GAD2: variants seen among roughly 807,000 people sequenced by gnomAD.
The protein encoded by GAD2 is 65 kDa glutamic acid decarboxylase.
A neutral mutation model predicts 80.1 loss-of-function variants in GAD2; 22 were observed. The ratio of observed to expected loss-of-function variants is 0.27; its 90% CI spans 0.20 to 0.39. GAD2 has a LOEUF of 0.39. Ranked by LOEUF, GAD2 falls within the 10% of genes least tolerant of loss-of-function variation. GAD2 has a pLI of 1.00. For missense variants in GAD2, 624 were observed against 738.4 expected, an observed-to-expected ratio of 0.85 and a Z score of 1.80; for synonymous variants, 274 against 256.9, an observed-to-expected ratio of 1.07 and a Z score of -0.64.
chr10:26,216,796 A>G lies in GAD2; in HGVS notation c.-14A>G. The G allele has an allele frequency of 6.2e-7, 1 of 1,607,696 alleles. No individual in the cohort carries two copies. On this transcript the variant is annotated 5_prime_UTR_variant, in exon 1 of 16. Coordinates refer to ENST00000376261, the MANE Select transcript of GAD2 (RefSeq NM_001134366.2). This position sits in a 1 kb window ranked among gnomAD's most constrained non-coding sequence, Gnocchi z 4.7. ...CTCGCACTCGCAGGCGACCTGCTCCAGTCTCCAAAGCCGATGGCATCTCCG... is the reference window on the plus strand; with the variant it reads ...CTCGCACTCGCAGGCGACCTGCTCCGGTCTCCAAAGCCGATGGCATCTCCG...
At position 26,239,004 on chromosome 10, in the gene GAD2, G is replaced by A. The variant is rs545707742; in HGVS notation, c.841-6917G>A. ...TGGTGGGGTGGGGGGTGGTCAGGAA[G>A]CATGAGGAAGGGTCAAATGGGCAGA... On this transcript the variant is annotated intron_variant, in intron 7 of 15. Coordinates refer to ENST00000376261, the MANE Select transcript of GAD2 (RefSeq NM_001134366.2). 8.5e-5 allele frequency among the ~76,000 whole-genome samples: 13 copies of A among 152,248 alleles called. 1 individual carries two copies. The East Asian group carries it at 2.5e-3, about 29-fold the overall frequency.
chr10:26,233,459 T>C (rs1027625064), intron 7 of GAD2, among the ~76,000 whole-genome samples: 3 of 152,178 alleles, frequency 2.0e-5, no homozygotes, highest in African/African-American at 4.8e-5. Context: ...CTGCATCTTC[T>C]TGAACCCTTG....
intron 4 of GAD2, among the ~76,000 whole-genome samples, chr10:26,220,613 C>T (rs1358032624): frequency 2.6e-5 from 4 of 152,158 alleles, no homozygotes; most frequent in African/African-American, 9.7e-5. Flanking sequence ...TTTTCCTACC[C>T]CTCCTCAGCT....
intron 14 of GAD2, 124 bp downstream of exon 14, chr10:26,292,696 G>T: frequency 2.3e-6 from 2 of 865,804 alleles, no homozygotes; most frequent in East Asian, 4.9e-5. Context: ...AGTGGATGAC[G>T]GGGTAGCTAT....
rs762062520 is a variant in GAD2 at position 26,219,227 on chromosome 10, G to A, written c.471G>A (p.Glu157=). The A allele has an allele frequency of 1.1e-5, 17 of 1,613,728 alleles. No individual in the cohort carries two copies. Among genetic ancestry groups the A allele is most frequent in the Non-Finnish European group, 1.4e-5 (16 of 1,179,828 alleles). ...TGGCAGACCAACCACAAAATTTGGAGGAAATTTTGATGCATTGCCAAACAA... is the reference window on the plus strand; with the variant it reads ...TGGCAGACCAACCACAAAATTTGGAAGAAATTTTGATGCATTGCCAAACAA... ...WELADQPQNL[E]EILMHCQTTL... Residue 157 remains glutamate (E), a synonymous_variant, in exon 4 of 16, where the codon GAG becomes GAA. Transcript: ENST00000376261.
At chr10:26,248,597 T>C (rs1204694112) in intron 8 of GAD2, among the ~76,000 whole-genome samples, 1 of 152,210 alleles carries the variant, frequency 6.6e-6, no homozygotes, top group Non-Finnish European at 1.5e-5. Flanking sequence ...CGTTTACTTC[T>C]CAGGTCTTGC....
At chr10:26,234,901 C>A (rs888338817) in intron 7 of GAD2, among the ~76,000 whole-genome samples, 2 of 151,964 alleles carry the variant, frequency 1.3e-5, no homozygotes, top group Non-Finnish European at 2.9e-5. Flanking sequence ...GAGATGGAAT[C>A]TCTCTCTGTT....
chr10:26,270,194 T>C (rs1390325601), intron 9 of GAD2, among the ~76,000 whole-genome samples: 5 of 152,174 alleles, frequency 3.3e-5, no homozygotes, highest in Non-Finnish European at 5.9e-5. Context: ...ATTTTCCAAA[T>C]AGGAATAATG....
At chr10:26,256,524 TC>T (rs1277658494) in intron 8 of GAD2, among the ~76,000 whole-genome samples, 2 of 152,218 alleles carry the variant, frequency 1.3e-5, no homozygotes, top group African/African-American at 4.8e-5. Flanking sequence ...GTCTCTTTGG[TC>T]CCCTTTAATC....
chr10:26,281,310 C>G (rs1845268034), intron 12 of GAD2, among the ~76,000 whole-genome samples: 1 of 152,104 alleles, frequency 6.6e-6, no homozygotes, highest in Non-Finnish European at 1.5e-5. Context: ...AAACTTTGAC[C>G]TAATCTCCAT....
Position 26,217,248 on chromosome 10 carries a change from G to A in GAD2, c.77-362G>A, listed in dbSNP as rs1238989185. Among the ~76,000 whole-genome samples, 2 of 152,032 alleles carry A rather than the reference G, an allele frequency of 1.3e-5. No homozygotes were observed. The highest frequency in any genetic ancestry group is 4.8e-5 in the African/African-American group (2 of 41,356). ...GAAGATAGAAAAAAAAAATGGGAAA[G>A]GTGAGAGATTTCTTTATCTAGAAAG... On this transcript the variant is annotated intron_variant, in intron 1 of 15. Coordinates refer to ENST00000376261, the MANE Select transcript of GAD2 (RefSeq NM_001134366.2). This position sits in a 1 kb window ranked among gnomAD's most constrained non-coding sequence, Gnocchi z 4.9.
At chr10:26,296,983 C>T (rs544775940) in intron 15 of GAD2, among the ~76,000 whole-genome samples, 8 of 152,114 alleles carry the variant, frequency 5.3e-5, no homozygotes, top group Non-Finnish European at 7.4e-5. Flanking sequence ...GGTGCCATCT[C>T]GGCTCACTGC....
chr10:26,284,809 T>A (rs565456856), intron 12 of GAD2, among the ~76,000 whole-genome samples: 1 of 152,220 alleles, frequency 6.6e-6, no homozygotes, highest in South Asian at 2.1e-4. Flanking sequence ...GACCTTGTGA[T>A]CCACCCGCCT....
chr10:26,289,025 A>G (rs1834180996), intron 13 of GAD2, among the ~76,000 whole-genome samples: 1 of 152,226 alleles, frequency 6.6e-6, no homozygotes, highest in Admixed American at 6.5e-5. Flanking sequence ...GCAAGTATCT[A>G]GACATCTAGC....
At chr10:26,286,545 T>C (rs370434771) in intron 13 of GAD2, 51 bp downstream of exon 13, 1 of 1,520,506 alleles carries the variant, frequency 6.6e-7, no homozygotes, top group Non-Finnish European at 8.8e-7. Flanking sequence ...AACCTTTATC[T>C]GGTGACCCCA....
intron 12 of GAD2, among the ~76,000 whole-genome samples, chr10:26,285,192 T>C (rs1036406599): frequency 6.6e-6 from 1 of 152,238 alleles, no homozygotes; most frequent in Admixed American, 6.5e-5. Context: ...AGGATTCCAA[T>C]ATATGTGAAG....
chr10:26,246,377 C>T (rs1210713377), intron 8 of GAD2, among the ~76,000 whole-genome samples: 1 of 152,122 alleles, frequency 6.6e-6, no homozygotes, highest in Non-Finnish European at 1.5e-5. Flanking sequence ...GGGGTGATTA[C>T]AGGAGGGGAC....
At chr10:26,260,833 T>G (rs910530480) in intron 8 of GAD2, among the ~76,000 whole-genome samples, 3 of 152,224 alleles carry the variant, frequency 2.0e-5, no homozygotes, top group African/African-American at 7.2e-5. Context: ...ATCTGATGGA[T>G]GGAGCTTTTT....
chr10:26,239,707 A>G (rs530069136), intron 7 of GAD2, among the ~76,000 whole-genome samples: 1 of 152,346 alleles, frequency 6.6e-6, no homozygotes, highest in East Asian at 1.9e-4. Flanking sequence ...TCATAAAAAT[A>G]TCTCTGTGTG....
Sources: gnomAD v4.1 joint callset for allele counts (sites outside exome capture counted in the v4.1 genomes callset) on GRCh38, gnomAD v4.1.1 for gene constraint, Gnocchi (gnomAD v3.1) non-coding constraint, MANE v1.5 for transcripts, NCBI Gene and HGNC (gene_info 2026-07-23, HGNC 2026-07-21) for gene names.